Variants in NDRG4 observed in about 807,000 individuals in gnomAD.
NDRG4 encodes protein NDRG4.
A neutral mutation model predicts 55.8 loss-of-function variants in NDRG4; 38 were observed. The observed-to-expected ratio is 0.68, with a 90% CI of 0.53 to 0.89. NDRG4 has a LOEUF of 0.89. NDRG4 is among the 40% of genes least tolerant of loss of function. The pLI is 0.00. For missense variants in NDRG4, 455 were observed against 468.6 expected (o/e 0.97, Z 0.27); for synonymous variants, 190 against 182.7 (o/e 1.04, Z -0.32).
Position 58,509,138 on chromosome 16 carries a change from ACT to A in NDRG4, c.778-10_778-9del, listed in dbSNP as rs763917334. 1 of 1,613,108 alleles carries A rather than the reference ACT, an allele frequency of 6.2e-7. No homozygotes were observed. Among genetic ancestry groups the A allele is most frequent in the African/African-American group, 1.3e-5 (1 of 74,662 alleles). Reference sequence around the variant, plus strand: ...GTGAGGGCCCTGCTCAGGTCACCCCACTCTCTCCCTTGCAGATGGCAGACTCT... The same window carrying A: ...GTGAGGGCCCTGCTCAGGTCACCCCACTCTCCCTTGCAGATGGCAGACTCT... On this transcript the variant is annotated splice_polypyrimidine_tract_variant and intron_variant, in intron 11 of 14. Transcript: ENST00000570248.
At position 58,506,631 on chromosome 16, in the gene NDRG4, C is replaced by T. The variant is rs767278490; in HGVS notation, c.516+17C>T. On this transcript the variant is annotated intron_variant, in intron 7 of 14. Transcript: ENST00000570248. ...TTCAGCCAGGTAAGGGGGGGAACTTCTGCAGATCTGGGGTGATCTGGGATT... is the reference window on the plus strand; with the variant it reads ...TTCAGCCAGGTAAGGGGGGGAACTTTTGCAGATCTGGGGTGATCTGGGATT... The T allele has an allele frequency of 4.5e-6, 7 of 1,546,312 alleles. No homozygotes were observed. Among genetic ancestry groups the T allele is most frequent in the Admixed American group, 2.1e-5 (1 of 48,542 alleles).
At chr16:58,487,930 T>C (rs950120969) in intron 2 of NDRG4, 11 of 1,105,678 alleles carry the variant, frequency 9.9e-6, no homozygotes, top group Non-Finnish European at 1.4e-5. Context: ...GTGCCTTTCC[T>C]GCAGCCGACC....
intron 1 of NDRG4, among the ~76,000 whole-genome samples, chr16:58,470,170 A>G (rs759382121): frequency 7.2e-5 from 11 of 152,218 alleles, no homozygotes; most frequent in Non-Finnish European, 1.6e-4. Flanking sequence ...CTTATAAGAA[A>G]TTCAAATTCT....
At chr16:58,481,063 C>G (rs985308662) in intron 1 of NDRG4, among the ~76,000 whole-genome samples, 4 of 151,654 alleles carry the variant, frequency 2.6e-5, no homozygotes, top group African/African-American at 9.7e-5. Flanking sequence ...GAGCTCCAGA[C>G]CTGGACATCA....
rs779986279 is a variant in NDRG4, at chr16:58,487,775, G to C, written c.-4G>C. On this transcript the variant is annotated 5_prime_UTR_variant, in exon 2 of 16. Transcript: ENST00000258187. ...CCCTAGGCCTCCTGCTCCACGACGT[G>C]ACCATGGCCGGGCTGCAGGAGCTGC... 13 of 1,543,698 alleles carry C rather than the reference G, an allele frequency of 8.4e-6. No individual in the cohort carries two copies. The South Asian group carries it at 1.6e-4, about 19-fold the overall frequency.
chr16:58,465,260 G>A, intron 1 of NDRG4: 1 of 526,372 alleles, frequency 1.9e-6, no homozygotes, highest in Middle Eastern at 4.7e-4. Context: ...ACACCTGGGG[G>A]AGGGGGCTGA....
At chr16:58,483,269 C>T (rs1366755246) in intron 1 of NDRG4, among the ~76,000 whole-genome samples, 8 of 152,010 alleles carry the variant, frequency 5.3e-5, no homozygotes, top group African/African-American at 1.7e-4. Flanking sequence ...TCAGAGGGTT[C>T]GCCTGGCCGG....
chr16:58,478,690 G>GTTTTTTT (rs763426631), intron 1 of NDRG4, among the ~76,000 whole-genome samples: 1 of 10,322 alleles, frequency 9.7e-5, no homozygotes, highest in South Asian at 3.2e-3. Context: ...GTGCTTTTTT[G>GTTTTTTT]TTTTTTGTTT....
chr16:58,493,228 A>G (rs2151722591), intron 2 of NDRG4, among the ~76,000 whole-genome samples: 1 of 151,910 alleles, frequency 6.6e-6, no homozygotes, highest in South Asian at 2.1e-4. Flanking sequence ...GTGGCACCCT[A>G]TTTCTCATGT....
intron 1 of NDRG4, among the ~76,000 whole-genome samples, chr16:58,484,677 G>A (rs1597146005): frequency 1.3e-5 from 2 of 152,122 alleles, no homozygotes; most frequent in African/African-American, 2.4e-5. Flanking sequence ...TGGGCAGGGC[G>A]GCTCCTGTCC....
At chr16:58,506,863 TCCCTCTGTCTGC>T (rs2038101707) in intron 7 of NDRG4, 37 bp from the exon 8 acceptor site, 2 of 1,538,990 alleles carry the variant, frequency 1.3e-6, no homozygotes, top group Non-Finnish European at 1.8e-6. Context: ...TAAGCCTGCG[TCCCTCTGTCTGC>T]CCCTCTGCAT....
intron 2 of NDRG4, among the ~76,000 whole-genome samples, chr16:58,490,678 C>T (rs556014046): frequency 6.6e-6 from 1 of 152,308 alleles, no homozygotes; most frequent in Admixed American, 6.5e-5. Flanking sequence ...CCAAAGGCAC[C>T]TCAAAAGCCC....
At chr16:58,494,278 T>G (rs1481461784) in intron 2 of NDRG4, among the ~76,000 whole-genome samples, 2 of 151,962 alleles carry the variant, frequency 1.3e-5, no homozygotes, top group East Asian at 1.9e-4. Flanking sequence ...TCTGGAGAGG[T>G]GGGAGCAGCT....
At chr16:58,510,825 A>C (rs1369034376) in intron 14 of NDRG4, 142 bp downstream of exon 14, 2 of 774,032 alleles carry the variant, frequency 2.6e-6, no homozygotes, top group Non-Finnish European at 2.1e-6. Flanking sequence ...CAGAAACCCC[A>C]CAGATTCTTG....
At chr16:58,484,998 C>A (rs2034922725) in intron 1 of NDRG4, among the ~76,000 whole-genome samples, 1 of 151,670 alleles carries the variant, frequency 6.6e-6, no homozygotes, top group Non-Finnish European at 1.5e-5. Context: ...TCTCCTGCCT[C>A]AGCCTCCCGA....
upstream of NDRG4, chr16:58,499,271 C>G (rs186554584): frequency 6.6e-6 from 1 of 152,302 alleles, no homozygotes; most frequent in Non-Finnish European, 1.5e-5. Context: ...CCTCTGGGAA[C>G]GAGGGCCGGG....
upstream of NDRG4, among the ~76,000 whole-genome samples, chr16:58,496,757 G>A (rs531829244): frequency 2.6e-5 from 4 of 152,164 alleles, no homozygotes; most frequent in Non-Finnish European, 5.9e-5. Context: ...TGACCGTGAC[G>A]AGTGGCCACC....
At position 58,505,713 on chromosome 16, in the gene NDRG4, C is replaced by CT. The variant is rs1028370131; in HGVS notation, c.373-648dup. Among the ~76,000 whole-genome samples the CT allele has an allele frequency of 6.6e-3, 385 of 58,670 alleles. 33 individuals are homozygous for CT. Among genetic ancestry groups the CT allele is most frequent in the African/African-American group, 0.011 (146 of 13,054 alleles). 38.5% of individuals were successfully genotyped at this position (58,670 alleles called of 152,430 possible). ...ATTTATATCATGAGGGCTTCATTTT[C>CT]TTTTTTTTTTTTTTTTTTTTTTTTT... On this transcript the variant is annotated intron_variant, in intron 5 of 14. Transcript: ENST00000570248.
intron 1 of NDRG4, among the ~76,000 whole-genome samples, chr16:58,477,640 A>G (rs2033841992): frequency 6.6e-6 from 1 of 152,186 alleles, no homozygotes; most frequent in South Asian, 2.1e-4. Flanking sequence ...TAAGTGTAGA[A>G]GAGATTATGG....
Sources: gnomAD v4.1 joint callset for allele counts (sites outside exome capture counted in the v4.1 genomes callset) on GRCh38, gnomAD v4.1.1 for gene constraint, MANE v1.5 for transcripts, NCBI Gene and HGNC (gene_info 2026-07-23, HGNC 2026-07-21) for gene names.